The following PREX1 variants were observed in gnomAD, a reference collection of about 807,000 sequenced individuals.
The protein encoded by PREX1 is phosphatidylinositol-3,4,5-trisphosphate dependent Rac exchange factor 1.
PREX1 carries 41 observed loss-of-function variants against 198.3 expected under a neutral mutation model. That is an observed-to-expected ratio of 0.21 (90% CI 0.16 to 0.27). The LOEUF is 0.27. Ranked by LOEUF, PREX1 falls within the 10% of genes least tolerant of loss-of-function variation. The probability of loss-of-function intolerance (pLI) is 1.00; values close to 1 mark genes in which losing one functional copy is unlikely to be tolerated. For synonymous variants in PREX1, 843 were observed against 887.2 expected (o/e 0.95, Z 0.89); for missense variants, 1,620 against 2,200.7 (o/e 0.74, Z 5.28).
chr20:48,766,322 T>C (rs892917928), intron 1 of PREX1, among the ~76,000 whole-genome samples: 2 of 152,100 alleles, frequency 1.3e-5, no homozygotes, highest in Admixed American at 6.5e-5. Flanking sequence ...CACTTAGGCA[T>C]CCCTGGGTGG....
At chr20:48,688,880 GC>G in intron 9 of PREX1, 76 bp from the exon 10 acceptor site, 2 of 1,565,994 alleles carry the variant, frequency 1.3e-6, no homozygotes. Context: ...CAAGGGGCAG[GC>G]CCACAGCTCC....
chr20:48,884,048 G>A, the PREX1 span, among the ~76,000 whole-genome samples: 6 of 151,594 alleles, frequency 4.0e-5, no homozygotes, highest in East Asian at 9.7e-4. Context: ...GCTGAGGCAG[G>A]AGAACGGCCG....
At chr20:48,758,087 G>A (rs1452414192) in intron 1 of PREX1, among the ~76,000 whole-genome samples, 1 of 152,118 alleles carries the variant, frequency 6.6e-6, no homozygotes. Flanking sequence ...GAGGTGGGAG[G>A]TGGGAGATGG....
intron 1 of PREX1, among the ~76,000 whole-genome samples, chr20:48,797,260 G>C (rs971317562): frequency 6.6e-6 from 1 of 151,852 alleles, no homozygotes; most frequent in Non-Finnish European, 1.5e-5. Context: ...CCAGAAAAAA[G>C]CCAAATGGGA....
intron 1 of PREX1, among the ~76,000 whole-genome samples, chr20:48,765,796 G>A (rs184342820): frequency 2.7e-4 from 41 of 152,296 alleles, no homozygotes; most frequent in Non-Finnish European, 4.7e-4. Context: ...CTAAATCAGC[G>A]TCCCCAATCC....
intron 1 of PREX1, among the ~76,000 whole-genome samples, chr20:48,765,501 G>A (rs554261661): frequency 2.0e-5 from 3 of 152,144 alleles, no homozygotes; most frequent in South Asian, 4.1e-4. Flanking sequence ...ACGTGGACAC[G>A]ACAACCAGCT....
rs757593154 is a variant in PREX1 at position 48,650,953 on chromosome 20, G to A, written c.2758C>T (p.Arg920Cys). Residue 920 changes from arginine (R) to cysteine (C), a missense_variant, in exon 23 of 40, where the codon CGC becomes TGC. This residue lies in a region of PREX1 where 514 missense variants were observed against 611.6 expected (regional missense o/e 0.84). Coordinates refer to ENST00000371941, the MANE Select transcript of PREX1 (RefSeq NM_020820.4). Reference protein sequence around the residue: ...AIVTMPHFEFRNICDTKLESI... With the variant: ...AIVTMPHFEFCNICDTKLESI... ...TCCAGCTTGGTGTCACAGATGTTGCGGAACTCAAAGTGGGGCATGGTCACG... is the reference window on the plus strand; with the variant it reads ...TCCAGCTTGGTGTCACAGATGTTGCAGAACTCAAAGTGGGGCATGGTCACG... The A allele has an allele frequency of 9.3e-6, 15 of 1,614,072 alleles. No homozygotes were observed. The highest frequency in any genetic ancestry group is 2.7e-5 in the African/African-American group (2 of 74,926).
chr20:48,848,747 A>AG, the PREX1 span, among the ~76,000 whole-genome samples: 5 of 152,056 alleles, frequency 3.3e-5, no homozygotes, highest in South Asian at 2.1e-4. Context: ...TAACATTTTT[A>AG]GGGGGGGTGG....
intron 5 of PREX1, among the ~76,000 whole-genome samples, chr20:48,717,838 A>C (rs2123109342): frequency 6.6e-6 from 1 of 152,290 alleles, no homozygotes; most frequent in East Asian, 1.9e-4. Context: ...GGCTTTGATG[A>C]GGATGTGCTG....
Position 48,650,082 on chromosome 20 carries a change from T to C in PREX1, c.2942A>G (p.Tyr981Cys), listed in dbSNP as rs1212194373. The C allele has an allele frequency of 6.2e-7, 1 of 1,613,998 alleles. No individual in the cohort carries two copies. Among genetic ancestry groups the C allele is most frequent in the African/African-American group, 1.3e-5 (1 of 74,926 alleles). Residue 981 changes from tyrosine (Y) to cysteine (C), a missense_variant, in exon 24 of 40, where the codon TAC (tyrosine) becomes TGC (cysteine). By Grantham distance (194) the Tyr-to-Cys change is radical. Around this residue, in one of 7 missense-constraint regions of PREX1, gnomAD observed 514 missense variants for 611.6 expected, o/e 0.84. Transcript: ENST00000371941. ...NCHINLMEVS[Y>C]PKTTPSVGRS... ...GCCCACTGAGGGGGTGGTCTTGGGG[T>C]AGGACACTTCCATGAGGTTGATGTG...
chr20:48,768,709 A>T (rs1242139713), intron 1 of PREX1, among the ~76,000 whole-genome samples: 1 of 151,902 alleles, frequency 6.6e-6, no homozygotes, highest in Non-Finnish European at 1.5e-5. Context: ...CAGGAGACAG[A>T]GGTTGCAGTG....
intron 14 of PREX1, among the ~76,000 whole-genome samples, chr20:48,671,666 G>C (rs1012557329): frequency 1.4e-4 from 21 of 152,128 alleles, no homozygotes; most frequent in Admixed American, 4.6e-4. Context: ...TGCAAGGTGG[G>C]GGTGACTCCT....
intron 5 of PREX1, among the ~76,000 whole-genome samples, chr20:48,721,023 T>C (rs1159010343): frequency 2.0e-5 from 3 of 152,234 alleles, no homozygotes; most frequent in East Asian, 1.9e-4. Flanking sequence ...CCAGGATGTG[T>C]CCTGTTGGGG....
In PREX1 at chr20:48,818,072, G is replaced by A. The variant is rs549944897; in HGVS notation, c.219+9570C>T. On this transcript the variant is annotated intron_variant, in intron 1 of 39. Transcript: ENST00000371941. ...GATTTTGAGCAAAGGCCTGAAGGAG[G>A]TGGAGGGCTGAGCCACGGGGACACT... Among the ~76,000 whole-genome samples, 9 of 152,222 alleles carry A rather than the reference G, an allele frequency of 5.9e-5. No individual in the cohort carries two copies. The South Asian group carries it at 1.9e-3, about 32-fold the overall frequency.
chr20:48,712,731 G>C (rs555591812), intron 5 of PREX1, among the ~76,000 whole-genome samples: 1 of 152,176 alleles, frequency 6.6e-6, no homozygotes. Flanking sequence ...CTTGGTTCAC[G>C]GGGCATGTTG....
chr20:48,721,271 C>T (rs555260900), intron 5 of PREX1, among the ~76,000 whole-genome samples: 2 of 152,272 alleles, frequency 1.3e-5, no homozygotes, highest in East Asian at 3.9e-4. Context: ...AATCAGGACA[C>T]CAAGCGTCCC....
intron 1 of PREX1, among the ~76,000 whole-genome samples, chr20:48,812,488 G>C (rs1421366983): frequency 6.6e-6 from 1 of 151,472 alleles, no homozygotes; most frequent in African/African-American, 2.4e-5. Flanking sequence ...TAATGTAAGA[G>C]GAATGGGTAA....
intron 7 of PREX1, among the ~76,000 whole-genome samples, chr20:48,694,450 T>A (rs4809718): frequency 0.32 from 48,440 of 152,114 alleles, 10,819 homozygotes; most frequent in African/African-American, 0.64. Context: ...CTCTGGGAAC[T>A]CAACTTCTAA....
At position 48,642,090 on chromosome 20, in the gene PREX1, G is replaced by A; in HGVS notation, c.3775+78C>T. On this transcript the variant is annotated intron_variant, in intron 29 of 39. Coordinates refer to ENST00000371941, the MANE Select transcript of PREX1 (RefSeq NM_020820.4). ...TTCAGCAGTAGGAGGGCAGAGCTGA[G>A]CATTAGCCCGGGTACGCCGCCCTGT... 1.1e-5 allele frequency: 16 copies of A among 1,441,526 alleles called. No homozygotes were observed. In the South Asian group the frequency reaches 1.9e-4, roughly 17 times the overall value. The allele number at this position is 1,441,526 out of a possible 1,614,324, so 89.3% of individuals were successfully genotyped here.
Sources: gnomAD v4.1 joint callset for allele counts (sites outside exome capture counted in the v4.1 genomes callset) on GRCh38, gnomAD v4.1.1 for gene constraint, gnomAD v4.1.1 regional missense constraint, MANE v1.5 for transcripts, NCBI Gene and HGNC (gene_info 2026-07-23, HGNC 2026-07-21) for gene names.